Variants in PCCA observed in about 807,000 individuals in gnomAD.
The protein encoded by PCCA is propionyl-CoA carboxylase alpha chain, mitochondrial.
In PCCA, 74 loss-of-function variants were observed where a neutral mutation model predicts 101.3. The ratio of observed to expected loss-of-function variants is 0.73; its 90% CI spans 0.61 to 0.89. The LOEUF (loss-of-function observed/expected upper bound fraction) is 0.89. Among genes scored for constraint, PCCA ranks in the 40% least tolerant of loss-of-function variants. PCCA has a pLI of 0.00. For missense variants in PCCA, 891 were observed against 907.0 expected (o/e 0.98, Z 0.23); for synonymous variants, 294 against 313.6 (o/e 0.94, Z 0.66).
At chr13:100,298,725 TC>T (rs2065829851) in intron 12 of PCCA, among the ~76,000 whole-genome samples, 1 of 124,376 alleles carries the variant, frequency 8.0e-6, no homozygotes, top group African/African-American at 3.1e-5. Context: ...CTTCCTTCCT[TC>T]CTTCCTTCCT....
chr13:100,236,193 G>A (rs2060790768), intron 8 of PCCA, among the ~76,000 whole-genome samples: 3 of 152,192 alleles, frequency 2.0e-5, no homozygotes. Context: ...GTACATAGTT[G>A]AATGTGGTTT....
chr13:100,381,915 G>A (rs983537271), intron 19 of PCCA, among the ~76,000 whole-genome samples: 1 of 152,220 alleles, frequency 6.6e-6, no homozygotes, highest in African/African-American at 2.4e-5. Context: ...CAGCAGGAGC[G>A]AACTCTGTGC....
chr13:100,270,732 G>A (rs1265465635), intron 11 of PCCA, among the ~76,000 whole-genome samples: 1 of 152,098 alleles, frequency 6.6e-6, no homozygotes, highest in Non-Finnish European at 1.5e-5. Flanking sequence ...GAATCGGCTG[G>A]GCATGGTGGC....
chr13:100,502,271 A>G (rs73566622), intron 21 of PCCA, among the ~76,000 whole-genome samples: 1,786 of 152,328 alleles, frequency 0.012, 41 homozygotes, highest in African/African-American at 0.041. Flanking sequence ...CCTGTGAAAC[A>G]GAGGCCCAGC....
chr13:100,457,473 C>T (rs1180204527), intron 21 of PCCA, among the ~76,000 whole-genome samples: 1 of 152,208 alleles, frequency 6.6e-6, no homozygotes, highest in African/African-American at 2.4e-5. Context: ...TTTATTACAG[C>T]AGCAGCAGTG....
intron 20 of PCCA, among the ~76,000 whole-genome samples, chr13:100,438,082 C>G (rs2080078175): frequency 6.6e-6 from 1 of 151,294 alleles, no homozygotes; most frequent in Non-Finnish European, 1.5e-5. Context: ...GTGATTCCAT[C>G]TTAATTGCTA....
chr13:100,410,202 AT>A (rs1303418080), intron 19 of PCCA, among the ~76,000 whole-genome samples: 3 of 151,958 alleles, frequency 2.0e-5, no homozygotes, highest in Non-Finnish European at 2.9e-5. Flanking sequence ...ATTTTCCTTA[AT>A]TTTTTGCCAG....
rs1400728554 is a variant in PCCA, at chr13:100,525,033, ACAGACAGG to A, written c.2041-2637_2041-2630del. ...GATAGATAGATAGATAGATAGACAG[ACAGACAGG>A]CAGATAAGATAGATAGGATAGAGCT... is the stretch of plus-strand genomic sequence containing the variant. On this transcript the variant is annotated intron_variant, in intron 22 of 23. Coordinates refer to ENST00000376285, the MANE Select transcript of PCCA (RefSeq NM_000282.4). 2.0e-5 allele frequency among the ~76,000 whole-genome samples: 3 copies of A among 152,136 alleles called. No individual in the cohort carries two copies. In the East Asian group the frequency reaches 5.8e-4, roughly 29 times the overall value.
intron 21 of PCCA, among the ~76,000 whole-genome samples, chr13:100,460,711 GA>G (rs2082110556): frequency 6.6e-6 from 1 of 152,132 alleles, no homozygotes; most frequent in African/African-American, 2.4e-5. Flanking sequence ...TTACCATTAA[GA>G]ATGCTATTAA....
At chr13:100,248,050 C>T (rs1381627695) in intron 8 of PCCA, among the ~76,000 whole-genome samples, 1 of 151,838 alleles carries the variant, frequency 6.6e-6, no homozygotes, top group Non-Finnish European at 1.5e-5. Context: ...TTATCTTTTT[C>T]ATCTGCCAGT....
chr13:100,220,682 T>C (rs2152496636), intron 7 of PCCA, among the ~76,000 whole-genome samples: 1 of 152,318 alleles, frequency 6.6e-6, no homozygotes, highest in East Asian at 1.9e-4. Flanking sequence ...CTCTCCTTGC[T>C]CCCCACTTTG....
At chr13:100,472,995 A>G (rs1229492353) in intron 21 of PCCA, among the ~76,000 whole-genome samples, 1 of 152,176 alleles carries the variant, frequency 6.6e-6, no homozygotes, top group Admixed American at 6.6e-5. Context: ...ATATGCATTT[A>G]TTAGCTTGAG....
At chr13:100,330,325 C>T (rs949946954) in intron 16 of PCCA, among the ~76,000 whole-genome samples, 16 of 152,116 alleles carry the variant, frequency 1.1e-4, no homozygotes, top group Non-Finnish European at 2.1e-4. Flanking sequence ...TTTGCACCAC[C>T]CTAATACAGC....
At chr13:100,515,279 G>C in intron 21 of PCCA, 148 bp from the exon 22 acceptor site, 1 of 716,838 alleles carries the variant, frequency 1.4e-6, no homozygotes, top group Non-Finnish European at 2.4e-6. Flanking sequence ...AATATATTTT[G>C]ATGTGTGCAG....
intron 4 of PCCA, among the ~76,000 whole-genome samples, chr13:100,133,268 G>A (rs749168736): frequency 1.3e-5 from 2 of 152,134 alleles, no homozygotes; most frequent in East Asian, 1.9e-4. Context: ...GTTGAGTTTA[G>A]AGTGTTCTTT....
intron 19 of PCCA, among the ~76,000 whole-genome samples, chr13:100,403,455 C>T (rs1012109231): frequency 6.6e-6 from 1 of 152,134 alleles, no homozygotes; most frequent in East Asian, 1.9e-4. Context: ...TCTCAGGGAG[C>T]TTCCAATCAC....
chr13:100,207,369 T>TC (rs1405863053), intron 6 of PCCA, among the ~76,000 whole-genome samples: 4 of 152,106 alleles, frequency 2.6e-5, no homozygotes, highest in Non-Finnish European at 4.4e-5. Context: ...ATGATTTCAT[T>TC]CACAACTTTT....
chr13:100,331,824 T>G (rs929345184), intron 17 of PCCA, among the ~76,000 whole-genome samples: 1 of 151,804 alleles, frequency 6.6e-6, no homozygotes, highest in Non-Finnish European at 1.5e-5. Flanking sequence ...CTTACGTCAT[T>G]GCTTTTCATT....
rs188045562 is a variant in PCCA, at chr13:100,437,652, C to T, written c.1846-11600C>T. 2.0e-5 allele frequency among the ~76,000 whole-genome samples: 3 copies of T among 149,928 alleles called. No homozygotes were observed. The East Asian group carries it at 5.8e-4, about 29-fold the overall frequency. On this transcript the variant is annotated intron_variant, in intron 20 of 23. Transcript: ENST00000376285. ...CTAACACAAGCCATATTTAAAATTTCTTTGTTTTAATTAATTAGCTCTTTG... is the reference window on the plus strand; with the variant it reads ...CTAACACAAGCCATATTTAAAATTTTTTTGTTTTAATTAATTAGCTCTTTG...
Sources: allele counts gnomAD v4.1 joint callset (sites outside exome capture counted in the v4.1 genomes callset), GRCh38; gene constraint gnomAD v4.1.1; transcripts MANE v1.5; gene names NCBI Gene and HGNC (gene_info 2026-07-23, HGNC 2026-07-21).